The following NRXN3 variants were observed in gnomAD, a reference collection of about 807,000 sequenced individuals.
NRXN3 encodes neurexin III.
Under a neutral mutation model 137.6 loss-of-function variants are expected in NRXN3, and 32 were observed. The observed-to-expected ratio is 0.23, with a 90% CI of 0.18 to 0.31. NRXN3 has a LOEUF of 0.31. NRXN3 is among the 10% of genes least tolerant of loss of function. The pLI is 1.00. For synonymous variants in NRXN3, 798 were observed against 784.5 expected (o/e 1.02, Z -0.29); for missense variants, 1,574 against 2,062.5 (o/e 0.76, Z 4.59).
chr14:78,409,568 C>T (rs2092704101), intron 4 of NRXN3, among the ~76,000 whole-genome samples: 1 of 152,160 alleles, frequency 6.6e-6, no homozygotes, highest in Non-Finnish European at 1.5e-5. Flanking sequence ...AAATCCCTAA[C>T]CTCTTGATAT....
At chr14:79,314,190 G>A (rs1306467036) in intron 15 of NRXN3, 4 of 144,186 alleles carry the variant, frequency 2.8e-5, no homozygotes, top group Non-Finnish European at 3.0e-5. Context: ...GACAGTGGGC[G>A]CAGGCCAGTG....
intron 8 of NRXN3, among the ~76,000 whole-genome samples, chr14:78,778,678 T>TTTTCTTTTCTTTCTTTCTTTCTTTC (rs1555489568): frequency 8.7e-6 from 1 of 114,472 alleles, no homozygotes; most frequent in Non-Finnish European, 1.8e-5. Context: ...TTCTCTTTTC[T>TTTTCTTTTCTTTCTTTCTTTCTTTC]TTTCTTTCTT....
chr14:78,539,802 T>C lies in NRXN3; in HGVS notation c.758-105318T>C, dbSNP rs138749742. On this transcript the variant is annotated intron_variant, in intron 4 of 20. Transcript: ENST00000335750. Reference sequence around the variant, plus strand: ...AATGTGTCCCAGAGATTCTGGTATGTTGTGTCTTTGTTATCATTGGTTTCA... The same window carrying C: ...AATGTGTCCCAGAGATTCTGGTATGCTGTGTCTTTGTTATCATTGGTTTCA... Among the ~76,000 whole-genome samples the C allele has an allele frequency of 2.0e-3, 299 of 152,344 alleles. 7 individuals are homozygous for C. The East Asian group carries it at 0.052, about 26-fold the overall frequency.
chr14:79,191,540 T>C (rs1296664601), intron 15 of NRXN3, among the ~76,000 whole-genome samples: 1 of 152,202 alleles, frequency 6.6e-6, no homozygotes, highest in Non-Finnish European at 1.5e-5. Context: ...ATAATTTGTC[T>C]CCTGACAAAG....
At chr14:78,818,062 T>C (rs1443585453) in intron 10 of NRXN3, among the ~76,000 whole-genome samples, 1 of 151,968 alleles carries the variant, frequency 6.6e-6, no homozygotes, top group Non-Finnish European at 1.5e-5. Context: ...ATCAGGTTAA[T>C]AGAGGCAGTA....
intron 19 of NRXN3, among the ~76,000 whole-genome samples, chr14:79,788,505 C>T (rs1246640850): frequency 2.6e-5 from 4 of 152,162 alleles, no homozygotes; most frequent in Admixed American, 6.5e-5. Context: ...ATCTCTGACT[C>T]GCTGATATCC....
At chr14:78,443,673 T>C (rs1030723031) in intron 4 of NRXN3, among the ~76,000 whole-genome samples, 6 of 152,098 alleles carry the variant, frequency 3.9e-5, no homozygotes, top group African/African-American at 1.4e-4. Flanking sequence ...TCCATATTGG[T>C]TTGAGTTATT....
rs1312407059 is a variant in NRXN3 at position 78,938,842 on chromosome 14, A to ATTTTTTT, written c.2276-18395_2276-18394insTTTTTTT. Among the ~76,000 whole-genome samples the ATTTTTTT allele has an allele frequency of 1.9e-4, 25 of 134,386 alleles. 1 individual carries two copies. Among genetic ancestry groups the ATTTTTTT allele is most frequent in the South Asian group, 9.4e-4 (4 of 4,238 alleles). The allele number at this position is 134,386 out of a possible 152,430, so 88.2% of individuals were successfully genotyped here. A position where few individuals can be genotyped will look rare whatever the true frequency, so the allele number is the denominator to read the frequency against. ...ACTTTATATTTGAAGGTCCAGAGTG[A>ATTTTTTT]TTTTTCTTTTTTTTTTTTTTTTGAG... On this transcript the variant is annotated intron_variant, in intron 10 of 20. Coordinates refer to ENST00000335750, the MANE Select transcript of NRXN3 (RefSeq NM_001330195.2).
At chr14:78,673,196 C>G (rs2097955611) in intron 6 of NRXN3, among the ~76,000 whole-genome samples, 2 of 152,190 alleles carry the variant, frequency 1.3e-5, no homozygotes, top group South Asian at 4.1e-4. Context: ...GGTACTAGGC[C>G]TGCTGGGATT....
chr14:79,782,406 A>G (rs2099116591), intron 19 of NRXN3, among the ~76,000 whole-genome samples: 2 of 152,170 alleles, frequency 1.3e-5, no homozygotes, highest in African/African-American at 4.8e-5. Flanking sequence ...GAGTCATGGT[A>G]AGACTCTGTG....
rs147293505 is a variant in NRXN3 at position 78,887,167 on chromosome 14, T to C, written c.2276-70075T>C. The stretch of plus-strand genomic sequence containing the variant: ...ATATTATTAGAACTATTATTTCTTT[T>C]ACTCATCACATCAGCCCTATTAGAT... On this transcript the variant is annotated intron_variant, in intron 10 of 20. Transcript: ENST00000335750. Among the ~76,000 whole-genome samples the C allele has an allele frequency of 7.3e-4, 111 of 152,260 alleles. 1 individual carries two copies. Among genetic ancestry groups the C allele is most frequent in the Middle Eastern group, 3.4e-3 (1 of 294 alleles).
intron 6 of NRXN3, among the ~76,000 whole-genome samples, chr14:78,661,890 G>GTA (rs1555425352): frequency 7.0e-6 from 1 of 142,384 alleles, no homozygotes; most frequent in Non-Finnish European, 1.5e-5. Flanking sequence ...TTCTGAGACA[G>GTA]TTTTTTTTTT....
chr14:79,043,970 G>A (rs1035798139), intron 15 of NRXN3, among the ~76,000 whole-genome samples: 1 of 152,142 alleles, frequency 6.6e-6, no homozygotes, highest in African/African-American at 2.4e-5. Flanking sequence ...ATGCTTTGCA[G>A]CATCTGAGGA....
intron 19 of NRXN3, among the ~76,000 whole-genome samples, chr14:79,793,773 A>G (rs1603506309): frequency 6.6e-6 from 1 of 152,236 alleles, no homozygotes; most frequent in Non-Finnish European, 1.5e-5. Context: ...ATTAGCATGA[A>G]TATTACCATT....
intron 19 of NRXN3, among the ~76,000 whole-genome samples, chr14:79,723,124 C>T (rs976615246): frequency 3.3e-5 from 5 of 151,938 alleles, no homozygotes; most frequent in African/African-American, 1.2e-4. Flanking sequence ...GAGCACATAC[C>T]GGAGAAAAAT....
At chr14:78,205,897 A>C (rs1185503432) in intron 1 of NRXN3, among the ~76,000 whole-genome samples, 1 of 152,206 alleles carries the variant, frequency 6.6e-6, no homozygotes, top group African/African-American at 2.4e-5. Flanking sequence ...GAGATAAGTG[A>C]GGAGTCTAGG....
chr14:78,313,397 A>C (rs1597194322), intron 4 of NRXN3, among the ~76,000 whole-genome samples: 1 of 152,090 alleles, frequency 6.6e-6, no homozygotes, highest in East Asian at 1.9e-4. Flanking sequence ...GAGATCCAGC[A>C]CTACTTCTTT....
rs569048622 is a variant in NRXN3 at position 78,614,539 on chromosome 14, C to G, written c.758-30581C>G. ...CTTAAAATAGGCAAAGCATGCAACA[C>G]ATTGTAGAATTAAAAAAAAAAAAAG... On this transcript the variant is annotated intron_variant, in intron 4 of 20. Transcript: ENST00000335750. Among the ~76,000 whole-genome samples, 5 of 151,194 alleles carry G rather than the reference C, an allele frequency of 3.3e-5. No homozygotes were observed. The South Asian group carries it at 1.0e-3, about 32-fold the overall frequency.
At chr14:79,547,797 T>C (rs2097334901) in intron 16 of NRXN3, among the ~76,000 whole-genome samples, 1 of 152,218 alleles carries the variant, frequency 6.6e-6, no homozygotes, top group Non-Finnish European at 1.5e-5. Flanking sequence ...GAGACATGTA[T>C]TCAACACATG....
Sources: gnomAD v4.1 joint callset for allele counts (sites outside exome capture counted in the v4.1 genomes callset) on GRCh38, gnomAD v4.1.1 for gene constraint, MANE v1.5 for transcripts, NCBI Gene and HGNC (gene_info 2026-07-23, HGNC 2026-07-21) for gene names.